KLF8: variants seen among roughly 807,000 people sequenced by gnomAD.
The protein encoded by KLF8 is Krueppel-like factor 8.
In KLF8, 10 loss-of-function variants were observed where a neutral mutation model predicts 18.2. The ratio of observed to expected loss-of-function variants is 0.55; its 90% CI spans 0.34 to 0.93. The LOEUF (loss-of-function observed/expected upper bound fraction) is 0.93. KLF8 is among the 40% of genes least tolerant of loss of function. KLF8 has a pLI of 0.02. For synonymous variants in KLF8, 109 were observed against 97.3 expected (o/e 1.12, Z -0.71); for missense variants, 264 against 277.9 (o/e 0.95, Z 0.36).
At chrX:56,129,623 C>T in the KLF8 span, among the ~76,000 whole-genome samples, 1 of 111,645 alleles carries the variant, frequency 9.0e-6, no homozygotes. Context: ...AAAAGGAAAC[C>T]TCCAGCTAAA....
chrX:55,939,140 G>T, the KLF8 span, among the ~76,000 whole-genome samples: 1 of 111,629 alleles, frequency 9.0e-6, no homozygotes, highest in Non-Finnish European at 1.9e-5. Context: ...GCTCTCCTCA[G>T]CAAATGTAAA....
At chrX:56,073,080 G>A in the KLF8 span, among the ~76,000 whole-genome samples, 28 of 106,996 alleles carry the variant, frequency 2.6e-4, no homozygotes, top group Non-Finnish European at 3.5e-4. Flanking sequence ...TCCGCCTCCC[G>A]GGTTCACGCC....
the KLF8 span, among the ~76,000 whole-genome samples, chrX:55,933,059 T>C: frequency 8.9e-6 from 1 of 111,988 alleles, no homozygotes; most frequent in African/African-American, 3.2e-5. Context: ...TGGATGTTTT[T>C]TTTTCTTATG....
the KLF8 span, among the ~76,000 whole-genome samples, chrX:55,953,919 CA>C: frequency 9.2e-6 from 1 of 109,227 alleles, no homozygotes; most frequent in Non-Finnish European, 1.9e-5. Flanking sequence ...TACAAACAAA[CA>C]ATCAAATTAT....
At chrX:56,079,416 G>C in the KLF8 span, among the ~76,000 whole-genome samples, 2 of 111,420 alleles carry the variant, frequency 1.8e-5, no homozygotes, top group Admixed American at 1.9e-4. Context: ...AGTCATTCAG[G>C]AGCAGGTTGT....
chrX:56,162,261 G>C, the KLF8 span, among the ~76,000 whole-genome samples: 3 of 112,054 alleles, frequency 2.7e-5, no homozygotes, highest in Admixed American at 9.4e-5. Context: ...CAGATCTCCA[G>C]CTGCATTCTG....
chrX:55,993,859 T>G, the KLF8 span, among the ~76,000 whole-genome samples: 1 of 110,339 alleles, frequency 9.1e-6, no homozygotes, highest in Non-Finnish European at 1.9e-5. Flanking sequence ...GGTAGTATAT[T>G]CCCAGAAATT....
chrX:56,246,997 G>A (rs2066630751), intron 1 of KLF8, among the ~76,000 whole-genome samples: 1 of 111,543 alleles, frequency 9.0e-6, no homozygotes, highest in East Asian at 2.8e-4. Flanking sequence ...TATATGCCAG[G>A]ATTTGTTTTA....
chrX:55,971,702 C>A, the KLF8 span, among the ~76,000 whole-genome samples: 1 of 110,560 alleles, frequency 9.0e-6, no homozygotes, highest in East Asian at 2.8e-4. Context: ...GCTCAAACAA[C>A]TCTATAGGAA....
chrX:56,085,372 G>A, the KLF8 span, among the ~76,000 whole-genome samples: 4 of 112,054 alleles, frequency 3.6e-5, no homozygotes, highest in Non-Finnish European at 7.5e-5. Context: ...TAGTTCAAAG[G>A]CCTGAGAGCC....
the KLF8 span, among the ~76,000 whole-genome samples, chrX:56,024,127 A>T: frequency 4.5e-5 from 5 of 112,041 alleles, no homozygotes; most frequent in East Asian, 8.3e-4. Context: ...TTAATTTTTT[A>T]AAAAATTTAT....
At position 56,275,531 on chromosome X, in the gene KLF8, A is replaced by G. The variant is rs1379982654; in HGVS notation, c.898+5210A>G. 5.4e-5 allele frequency among the ~76,000 whole-genome samples: 6 copies of G among 111,448 alleles called. No individual in the cohort carries two copies. The South Asian group carries it at 1.9e-3, about 35-fold the overall frequency. On this transcript the variant is annotated intron_variant, in intron 5 of 5. Coordinates refer to ENST00000468660, the MANE Select transcript of KLF8 (RefSeq NM_007250.5). ...GACTCCTCTAGGTAGGACTTCCTGT[A>G]CCATGTTGAATAAAGGTGAAATTGG...
the KLF8 span, among the ~76,000 whole-genome samples, chrX:56,147,930 A>G: frequency 8.9e-6 from 1 of 112,450 alleles, no homozygotes; most frequent in Non-Finnish European, 1.9e-5. Flanking sequence ...GTGATCTGAG[A>G]TCATGCCACT....
chrX:56,184,540 C>A, the KLF8 span, among the ~76,000 whole-genome samples: 5 of 112,280 alleles, frequency 4.5e-5, no homozygotes. Context: ...CAACACGCAG[C>A]TGGAGATCAG....
the KLF8 span, among the ~76,000 whole-genome samples, chrX:56,065,495 G>A: frequency 9.2e-6 from 1 of 109,095 alleles, no homozygotes; most frequent in African/African-American, 3.3e-5. Context: ...CTGTTTTCTT[G>A]TATCTTTTTG....
the KLF8 span, among the ~76,000 whole-genome samples, chrX:56,034,257 T>C: frequency 8.9e-6 from 1 of 112,470 alleles, no homozygotes; most frequent in Non-Finnish European, 1.9e-5. Flanking sequence ...CCCAACATCA[T>C]TTATTAAAAA....
the KLF8 span, among the ~76,000 whole-genome samples, chrX:56,067,928 A>G: frequency 8.9e-6 from 1 of 112,494 alleles, no homozygotes; most frequent in Non-Finnish European, 1.9e-5. Context: ...CCTTGCTGGA[A>G]GAGGCTCAGC....
At chrX:56,162,869 G>T in the KLF8 span, among the ~76,000 whole-genome samples, 1 of 111,389 alleles carries the variant, frequency 9.0e-6, no homozygotes, top group Non-Finnish European at 1.9e-5. Flanking sequence ...CTCACACTGG[G>T]GGCTGTAGTC....
At chrX:56,190,475 A>T in the KLF8 span, among the ~76,000 whole-genome samples, 1 of 111,816 alleles carries the variant, frequency 8.9e-6, no homozygotes, top group Admixed American at 9.5e-5. Context: ...TATAGATCAC[A>T]TAAATCTAAT....
Sources: allele counts gnomAD v4.1 joint callset (sites outside exome capture counted in the v4.1 genomes callset), GRCh38; gene constraint gnomAD v4.1.1; transcripts MANE v1.5; gene names NCBI Gene and HGNC (gene_info 2026-07-23, HGNC 2026-07-21).